The following GSR variants were observed in gnomAD, a reference collection of about 807,000 sequenced individuals.
GSR encodes glutathione-disulfide reductase.
A neutral mutation model predicts 56.5 loss-of-function variants in GSR; 48 were observed. The ratio of observed to expected loss-of-function variants is 0.85; its 90% CI spans 0.67 to 1.08. The LOEUF is 1.08. Ranked by LOEUF, GSR falls within the 50% of genes least tolerant of loss-of-function variation. The pLI is 0.00. For synonymous variants in GSR, 264 were observed against 270.8 expected (o/e 0.97, Z 0.25); for missense variants, 694 against 703.3 (o/e 0.99, Z 0.15).
At chr8:30,723,698 A>C (rs1484342393) in intron 1 of GSR, among the ~76,000 whole-genome samples, 1 of 151,538 alleles carries the variant, frequency 6.6e-6, no homozygotes, top group Non-Finnish European at 1.5e-5. Context: ...AGGCTGAGGC[A>C]CATGAATTCC....
At chr8:30,685,469 G>A (rs1803129812) in intron 9 of GSR, among the ~76,000 whole-genome samples, 1 of 152,040 alleles carries the variant, frequency 6.6e-6, no homozygotes, top group Admixed American at 6.6e-5. Context: ...AAAACATACT[G>A]ATGTTTTTTT....
chr8:30,700,412 T>C (rs183285223), intron 5 of GSR, among the ~76,000 whole-genome samples: 3 of 152,170 alleles, frequency 2.0e-5, no homozygotes, highest in Admixed American at 2.0e-4. Flanking sequence ...CTCTGTTGGA[T>C]CTGTTCACCC....
intron 4 of GSR, among the ~76,000 whole-genome samples, chr8:30,704,323 C>T (rs1803854300): frequency 6.6e-6 from 1 of 151,848 alleles, no homozygotes; most frequent in Admixed American, 6.6e-5. Context: ...AAGACCCTCT[C>T]TCAAAAAGAC....
intron 1 of GSR, 78 bp from the exon 2 acceptor site, chr8:30,712,166 T>C: frequency 1.3e-6 from 1 of 770,326 alleles, no homozygotes; most frequent in Non-Finnish European, 2.3e-6. Flanking sequence ...AAATGCACGC[T>C]AAGCATCAAG....
At position 30,684,174 on chromosome 8, in the gene GSR, T is replaced by C. The variant is rs1803077027; in HGVS notation, c.1067A>G (p.His356Arg). 2 of 1,601,896 alleles carry C rather than the reference T, an allele frequency of 1.2e-6. No homozygotes were observed. The highest frequency in any genetic ancestry group is 1.7e-6 in the Non-Finnish European group (2 of 1,168,858). ...ATTCTGGAATTCGTCTACGATGATA[T>C]GACCCTTGTCATCGGTTTGAATCCC... ...KLGIQTDDKGHIIVDEFQNTN... is the reference protein window; with the variant it reads ...KLGIQTDDKGRIIVDEFQNTN... The change falls in exon 10 of 13, where the codon CAT (histidine) becomes CGT (arginine). Residue 356 changes from histidine (H) to arginine (R), a missense_variant. Physicochemically the swap from His to Arg is conservative, Grantham distance 29. Coordinates refer to ENST00000221130, the MANE Select transcript of GSR (RefSeq NM_000637.5).
Position 30,696,492 on chromosome 8 carries a change from C to T in GSR, c.696-13G>A. The stretch of plus-strand genomic sequence containing the variant: ...AATGACGCTGCGGCTGAGACGCGAG[C>T]AGAGGGTTAGTATTCTTAAATAAAC... On this transcript the variant is annotated splice_polypyrimidine_tract_variant and intron_variant, in intron 6 of 12. Coordinates refer to ENST00000221130, the MANE Select transcript of GSR (RefSeq NM_000637.5). The T allele has an allele frequency of 6.5e-7, 1 of 1,549,874 alleles. No individual in the cohort carries two copies. The highest frequency in any genetic ancestry group is 8.9e-7 in the Non-Finnish European group (1 of 1,121,368).
In GSR at chr8:30,680,948, T is replaced by C; in HGVS notation, c.1375A>G (p.Thr459Ala). Residue 459 changes from threonine to alanine, a missense_variant, in exon 12 of 13, where the codon ACA becomes GCA. Physicochemically the swap from Thr to Ala is moderately conservative, Grantham distance 58 (BLOSUM62 0). Coordinates refer to ENST00000221130, the MANE Select transcript of GSR (RefSeq NM_000637.5). ...PMYHAVTKRK[T>A]KCVMKMVCAN... ...CAGACCATTTTCATCACACATTTTG[T>C]TTTCCTTTTGGTAACTGCGTGATAC... 1 of 1,613,776 alleles carries C rather than the reference T, an allele frequency of 6.2e-7. No individual in the cohort carries two copies. The highest frequency in any genetic ancestry group is 8.5e-7 in the Non-Finnish European group (1 of 1,179,754).
In GSR at chr8:30,684,178, C is replaced by T; in HGVS notation, c.1063G>A (p.Gly355Ser). Residue 355 changes from glycine (G) to serine (S), a missense_variant, in exon 10 of 13, where the codon GGT becomes AGT. Transcript: ENST00000221130. ...NKLGIQTDDKGHIIVDEFQNT... is the reference protein window; with the variant it reads ...NKLGIQTDDKSHIIVDEFQNT... ...TGGAATTCGTCTACGATGATATGAC[C>T]CTTGTCATCGGTTTGAATCCCCTAA... The T allele has an allele frequency of 6.3e-7, 1 of 1,598,912 alleles. No homozygotes were observed. Among genetic ancestry groups the T allele is most frequent in the South Asian group, 1.1e-5 (1 of 90,780 alleles).
chr8:30,713,022 G>C (rs1394267485), intron 1 of GSR, among the ~76,000 whole-genome samples: 2 of 151,852 alleles, frequency 1.3e-5, no homozygotes, highest in East Asian at 3.9e-4. Context: ...AGTAGAAAAA[G>C]CAAGACTCAG....
chr8:30,702,814 TG>T lies in GSR; in HGVS notation c.640+278del, dbSNP rs771860950. Among the ~76,000 whole-genome samples the T allele has an allele frequency of 2.0e-5, 3 of 152,270 alleles. No homozygotes were observed. In the South Asian group the frequency reaches 6.2e-4, roughly 32 times the overall value. On this transcript the variant is annotated intron_variant, in intron 5 of 12. Transcript: ENST00000221130. ...TAGCCAAGTGTGGTGGTGGCATGCCTGTAGTCCCAGCTACTTGGGAGGCTGA... is the reference window on the plus strand; with the variant it reads ...TAGCCAAGTGTGGTGGTGGCATGCCTTAGTCCCAGCTACTTGGGAGGCTGA...
chr8:30,722,027 A>G (rs74854337), intron 1 of GSR, among the ~76,000 whole-genome samples: 1 of 151,980 alleles, frequency 6.6e-6, no homozygotes, highest in Non-Finnish European at 1.5e-5. Flanking sequence ...AAAAAAAAAA[A>G]GCATTCTCTG....
At chr8:30,689,410 T>G (rs1267419180) in intron 8 of GSR, 91 bp from the exon 9 acceptor site, 2 of 1,077,912 alleles carry the variant, frequency 1.9e-6, no homozygotes, top group Non-Finnish European at 1.4e-6. Context: ...CTAGAATTTT[T>G]AACATTAAAG....
intron 1 of GSR, among the ~76,000 whole-genome samples, chr8:30,712,959 A>G (rs1269090143): frequency 6.6e-6 from 1 of 152,262 alleles, no homozygotes; most frequent in African/African-American, 2.4e-5. Context: ...TTTGGTTACA[A>G]TCATTTCCAT....
chr8:30,708,958 CAAAAAAA>C (rs769951825), intron 3 of GSR, among the ~76,000 whole-genome samples: 1 of 56,674 alleles, frequency 1.8e-5, no homozygotes, highest in African/African-American at 5.9e-5. Context: ...GACTCCGTCT[CAAAAAAA>C]AAAAAAAAAA....
chr8:30,703,266 C>T, intron 4 of GSR, 26 bp from the exon 5 acceptor site: 1 of 1,609,066 alleles, frequency 6.2e-7, no homozygotes, highest in East Asian at 2.2e-5. Flanking sequence ...TGACATTAGC[C>T]TGTTCTTAGA....
chr8:30,694,729 G>C (rs764559474), intron 7 of GSR, among the ~76,000 whole-genome samples: 2 of 151,974 alleles, frequency 1.3e-5, no homozygotes, highest in Non-Finnish European at 2.9e-5. Flanking sequence ...TTTGAGACCA[G>C]CCTGGGCAAC....
Position 30,678,361 on chromosome 8 carries a change from T to TATA in GSR, c.*1158_*1159insTAT, listed in dbSNP as rs1563522485. 4.5e-4 allele frequency: 3 copies of TATA among 6,732 alleles called. No individual in the cohort carries two copies. Among genetic ancestry groups the TATA allele is most frequent in the African/African-American group, 6.7e-4 (3 of 4,464 alleles). The allele number at this position is 6,732 out of a possible 1,614,324, so 0.4% of individuals were successfully genotyped here. ...AAATAATATATATATATATATATATTTTTTTTTTTTTTTTTTGAGACAGGG... is the reference window on the plus strand; with the variant it reads ...AAATAATATATATATATATATATATTATATTTTTTTTTTTTTTTTGAGACAGGG... On this transcript the variant is annotated 3_prime_UTR_variant, in exon 13 of 13. Coordinates refer to ENST00000221130, the MANE Select transcript of GSR (RefSeq NM_000637.5).
At chr8:30,699,289 T>A (rs1479493099) in intron 6 of GSR, among the ~76,000 whole-genome samples, 1 of 151,174 alleles carries the variant, frequency 6.6e-6, no homozygotes, top group Non-Finnish European at 1.5e-5. Context: ...AGACCCTGTC[T>A]CTAAAAAAAA....
chr8:30,685,870 C>T (rs1325131851), intron 9 of GSR, among the ~76,000 whole-genome samples: 1 of 151,548 alleles, frequency 6.6e-6, no homozygotes, highest in African/African-American at 2.4e-5. Context: ...TTGGCAAGTC[C>T]CAGCTACTTG....
Sources: allele counts gnomAD v4.1 joint callset (sites outside exome capture counted in the v4.1 genomes callset), GRCh38; gene constraint gnomAD v4.1.1; transcripts MANE v1.5; gene names NCBI Gene and HGNC (gene_info 2026-07-23, HGNC 2026-07-21).